The following RS1 variants were observed in gnomAD, a reference collection of about 807,000 sequenced individuals.
RS1 encodes retinoschisin.
In RS1, 2 loss-of-function variants were observed where a neutral mutation model predicts 20.8. The ratio of observed to expected loss-of-function variants is 0.10; its 90% CI spans 0.04 to 0.30. RS1 has a LOEUF of 0.30. RS1 is among the 10% of genes least tolerant of loss of function. The pLI is 1.00. For missense variants in RS1, 151 were observed against 189.8 expected, an observed-to-expected ratio of 0.80 and a Z score of 1.20; for synonymous variants, 70 against 75.8, an observed-to-expected ratio of 0.92 and a Z score of 0.40.
intron 3 of RS1, chrX:18,653,294 A>G: frequency 9.0e-7 from 1 of 1,109,731 alleles, no homozygotes; most frequent in East Asian, 3.3e-5. Flanking sequence ...AGTATTTTTA[A>G]TAGCATTAAA....
In RS1 at chrX:18,650,537, C is replaced by T; in HGVS notation, c.185-3205G>A. On this transcript the variant is annotated intron_variant, in intron 3 of 5. Transcript: ENST00000379984. ...TCCAGGTCCGAGGCACTTCCATGTGCCCGACACTCCAGGTCCGAGGCACTG... is the reference window on the plus strand; with the variant it reads ...TCCAGGTCCGAGGCACTTCCATGTGTCCGACACTCCAGGTCCGAGGCACTG... 4 of 1,212,112 alleles carry T rather than the reference C, an allele frequency of 3.3e-6. 1 individual carries two copies. The South Asian group carries it at 5.3e-5, about 16-fold the overall frequency.
chrX:18,665,735 A>C (rs1928394630), intron 1 of RS1, among the ~76,000 whole-genome samples: 1 of 108,153 alleles, frequency 9.2e-6, no homozygotes, highest in Non-Finnish European at 1.9e-5. Context: ...CAAATAAATA[A>C]ATAAAAATTA....
chrX:18,646,397 G>GC (rs749576493), intron 4 of RS1, among the ~76,000 whole-genome samples: 28 of 111,952 alleles, frequency 2.5e-4, no homozygotes, highest in East Asian at 2.0e-3. Context: ...CAGGTAATCT[G>GC]CCCCCCCTCG....
In RS1 at chrX:18,657,217, C is replaced by CTTTT. The variant is rs749358875; in HGVS notation, c.78+419_78+422dup. ...ACAGTCACCATCACCAAAAAAAATA[C>CTTTT]TTTTTTTTTTTTTTTTTTTTTGAGA... On this transcript the variant is annotated intron_variant, in intron 2 of 5. Transcript: ENST00000379984. Among the ~76,000 whole-genome samples, 11 of 65,144 alleles carry CTTTT rather than the reference C, an allele frequency of 1.7e-4. 2 individuals carry two copies. Among genetic ancestry groups the CTTTT allele is most frequent in the Admixed American group, 6.6e-4 (3 of 4,577 alleles). 56.6% of individuals were successfully genotyped at this position (65,144 alleles called of 115,157 possible).
At chrX:18,669,447 C>T (rs1446780699) in intron 1 of RS1, among the ~76,000 whole-genome samples, 3 of 98,168 alleles carry the variant, frequency 3.1e-5, no homozygotes, top group African/African-American at 7.5e-5. Context: ...GCCGAGATCA[C>T]GCCACTGCAC....
At position 18,641,928 on chromosome X, in the gene RS1, G is replaced by T; in HGVS notation, c.*76C>A. ...TGCGAAATATAGCCCTGTCCATCTC[G>T]GTGGTGTGTGAGGGGGTCCCCTACG... On this transcript the variant is annotated 3_prime_UTR_variant, in exon 6 of 6. Transcript: ENST00000379984. 9.3e-7 allele frequency: 1 copy of T among 1,071,925 alleles called. No individual in the cohort carries two copies. The allele number at this position is 1,071,925 out of a possible 1,213,427, so 88.3% of individuals were successfully genotyped here.
intron 3 of RS1, chrX:18,650,619 G>A: frequency 8.3e-7 from 1 of 1,203,168 alleles, no homozygotes; most frequent in Non-Finnish European, 1.1e-6. Context: ...GACCGGTGGG[G>A]CTCAGCCTGG....
In RS1 at chrX:18,649,745, ATTCT is replaced by A. The variant is rs746607088; in HGVS notation, c.185-2417_185-2414del. Among the ~76,000 whole-genome samples the A allele has an allele frequency of 1.2e-4, 13 of 112,150 alleles. No individual in the cohort carries two copies. The South Asian group carries it at 4.4e-3, about 38-fold the overall frequency. The stretch of plus-strand genomic sequence containing the variant: ...AAAACCTTGGCCTGCCAGGGAAGAC[ATTCT>A]TTCTGTGGGCTGGGGATCCCGAGGA... On this transcript the variant is annotated intron_variant, in intron 3 of 5. Transcript: ENST00000379984.
chrX:18,646,919 A>AT (rs1279853219), intron 4 of RS1, among the ~76,000 whole-genome samples: 1 of 109,471 alleles, frequency 9.1e-6, no homozygotes, highest in African/African-American at 3.3e-5. Flanking sequence ...AGAGGCCTAT[A>AT]TTTTTTTTCA....
intron 3 of RS1, among the ~76,000 whole-genome samples, chrX:18,655,936 C>A (rs1928203593): frequency 9.4e-6 from 1 of 106,740 alleles, no homozygotes; most frequent in Non-Finnish European, 1.9e-5. Flanking sequence ...GTGCTCTTTT[C>A]AAAATTCCAG....
intron 3 of RS1, among the ~76,000 whole-genome samples, chrX:18,649,772 G>A (rs1927949218): frequency 8.9e-6 from 1 of 112,245 alleles, no homozygotes; most frequent in Non-Finnish European, 1.9e-5. Flanking sequence ...GGGATCCCGA[G>A]GACTGAGTGC....
intron 3 of RS1, among the ~76,000 whole-genome samples, chrX:18,649,052 A>G (rs1168138740): frequency 9.2e-6 from 1 of 109,109 alleles, no homozygotes; most frequent in Non-Finnish European, 1.9e-5. Context: ...AAAAAAAAAA[A>G]AAAAAAAGAA....
At chrX:18,670,414 A>T (rs1326195591) in intron 1 of RS1, among the ~76,000 whole-genome samples, 3 of 109,353 alleles carry the variant, frequency 2.7e-5, no homozygotes, top group African/African-American at 1.0e-4. Context: ...TTTTGTAGAG[A>T]CGGGGTTTCA....
At chrX:18,649,580 T>G (rs1002844692) in intron 3 of RS1, among the ~76,000 whole-genome samples, 1 of 111,798 alleles carries the variant, frequency 8.9e-6, no homozygotes, top group Non-Finnish European at 1.9e-5. Context: ...CTCACTAGTA[T>G]CTGCAGCTCT....
intron 3 of RS1, chrX:18,647,753 A>T: frequency 5.9e-6 from 1 of 168,802 alleles, no homozygotes; most frequent in Non-Finnish European, 1.1e-5. Flanking sequence ...TCATGACGTC[A>T]GGTCTCTTGT....
chrX:18,657,664 G>T lies in RS1; in HGVS notation c.54C>A (p.Ala18=), dbSNP rs777065897. ...FLLLLLFGYE[A]TLGLSSTEDE... The stretch of plus-strand genomic sequence containing the variant: ...CCTCGGTAGACGATAATCCCAATGT[G>T]GCTAAAGCAAAAGGATGAGACAGAA... Residue 18 remains alanine, a splice_region_variant and synonymous_variant, in exon 2 of 6, where the codon GCC becomes GCA. Transcript: ENST00000379984. 7 of 1,193,325 alleles carry T rather than the reference G, an allele frequency of 5.9e-6. No homozygotes were observed. Among genetic ancestry groups the T allele is most frequent in the Non-Finnish European group, 6.8e-6 (6 of 878,908 alleles).
intron 1 of RS1, among the ~76,000 whole-genome samples, chrX:18,670,636 C>T (rs759306839): frequency 6.3e-5 from 7 of 111,301 alleles, no homozygotes; most frequent in Admixed American, 9.6e-5. Context: ...AAGAGAAATC[C>T]GAGAGTGAGC....
chrX:18,641,928 G>A lies in RS1; in HGVS notation c.*76C>T, dbSNP rs962258292. On this transcript the variant is annotated 3_prime_UTR_variant, in exon 6 of 6. Coordinates refer to ENST00000379984, the MANE Select transcript of RS1 (RefSeq NM_000330.4). ...TGCGAAATATAGCCCTGTCCATCTC[G>A]GTGGTGTGTGAGGGGGTCCCCTACG... is the stretch of plus-strand genomic sequence containing the variant. The A allele has an allele frequency of 7.5e-6, 8 of 1,071,925 alleles. No homozygotes were observed. Among genetic ancestry groups the A allele is most frequent in the East Asian group, 3.0e-5 (1 of 33,224 alleles). 88.3% of individuals were successfully genotyped at this position (1,071,925 alleles called of 1,213,427 possible). A position where few individuals can be genotyped will look rare whatever the true frequency, so the allele number is the denominator to read the frequency against.
At chrX:18,645,049 C>T (rs941332455) in intron 4 of RS1, among the ~76,000 whole-genome samples, 5 of 112,309 alleles carry the variant, frequency 4.5e-5, no homozygotes, top group African/African-American at 1.6e-4. Context: ...GTGTTTCCCT[C>T]GGTTGGTGAC....
Sources: gnomAD v4.1 joint callset for allele counts (sites outside exome capture counted in the v4.1 genomes callset) on GRCh38, gnomAD v4.1.1 for gene constraint, MANE v1.5 for transcripts, NCBI Gene and HGNC (gene_info 2026-07-23, HGNC 2026-07-21) for gene names.